LMLN: variants seen among roughly 807,000 people sequenced by gnomAD.
LMLN encodes leishmanolysin-like peptidase.
LMLN carries 70 observed loss-of-function variants against 92.3 expected under a neutral mutation model. The observed-to-expected ratio is 0.76, with a 90% CI of 0.63 to 0.92. The LOEUF is 0.92. Among genes scored for constraint, LMLN ranks in the 40% least tolerant of loss-of-function variants. LMLN has a pLI of 0.00. For missense variants in LMLN, 691 were observed against 814.6 expected, an observed-to-expected ratio of 0.85 and a Z score of 1.85; for synonymous variants, 308 against 296.2, an observed-to-expected ratio of 1.04 and a Z score of -0.41.
At chr3:198,018,592 G>A (rs1010740756) in intron 11 of LMLN, among the ~76,000 whole-genome samples, 1 of 152,148 alleles carries the variant, frequency 6.6e-6, no homozygotes, top group Non-Finnish European at 1.5e-5. Context: ...GAGACACCAT[G>A]TTCATTTAAA....
chr3:197,977,372 C>T (rs1028342934), intron 5 of LMLN, among the ~76,000 whole-genome samples: 1 of 152,100 alleles, frequency 6.6e-6, no homozygotes, highest in Non-Finnish European at 1.5e-5. Context: ...GAAGTACACA[C>T]GTTAAATCTG....
At chr3:197,967,640 AAAC>A (rs1486828000) in intron 1 of LMLN, among the ~76,000 whole-genome samples, 63 of 152,318 alleles carry the variant, frequency 4.1e-4, no homozygotes, top group African/African-American at 1.5e-3. Flanking sequence ...TAAACATCTT[AAAC>A]AACAGAAAAC....
chr3:197,997,315 A>G (rs1451922040), intron 10 of LMLN, among the ~76,000 whole-genome samples: 7 of 150,032 alleles, frequency 4.7e-5, no homozygotes, highest in Admixed American at 3.3e-4. Flanking sequence ...TTGTTCTTTC[A>G]GTAGAGATGG....
At chr3:197,971,342 G>T (rs1379918537) in intron 1 of LMLN, among the ~76,000 whole-genome samples, 1 of 152,170 alleles carries the variant, frequency 6.6e-6, no homozygotes, top group Non-Finnish European at 1.5e-5. Flanking sequence ...CAGGGGAAAT[G>T]CCAGAGGCTT....
At chr3:198,022,314 C>A (rs768030678) in intron 13 of LMLN, among the ~76,000 whole-genome samples, 24 of 152,166 alleles carry the variant, frequency 1.6e-4, no homozygotes, top group Non-Finnish European at 3.2e-4. Context: ...ATAATAGTTA[C>A]AGCTCATACT....
chr3:198,019,147 G>T lies in LMLN; in HGVS notation c.1233-106G>T. ...AGAATCCCATTTGTTAATTATGAAG[G>T]TTTGTATTTTTAGGCCAGGATCTGG... On this transcript the variant is annotated intron_variant, in intron 11 of 15. Transcript: ENST00000330198. The surrounding 1 kb of genome is among the most constrained non-coding windows in gnomAD (Gnocchi z 5.5). 1.8e-6 allele frequency: 2 copies of T among 1,109,316 alleles called. No individual in the cohort carries two copies. Among genetic ancestry groups the T allele is most frequent in the Non-Finnish European group, 2.6e-6 (2 of 780,130 alleles). 68.7% of individuals were successfully genotyped at this position (1,109,316 alleles called of 1,614,324 possible).
chr3:198,035,911 C>A (rs1316450539), exon 15 of LMLN: 16 of 1,613,952 alleles, frequency 9.9e-6, no homozygotes, highest in Non-Finnish European at 1.4e-5. Flanking sequence ...GCAGGTCCTC[C>A]CTGTCAGTAT....
At chr3:198,035,598 T>C (rs1363451628) in intron 14 of LMLN, among the ~76,000 whole-genome samples, 1 of 151,918 alleles carries the variant, frequency 6.6e-6, no homozygotes. Context: ...CTTGACCTCA[T>C]GATCTGCCCG....
chr3:197,964,898 T>C (rs1244150560), intron 1 of LMLN, among the ~76,000 whole-genome samples: 1 of 151,704 alleles, frequency 6.6e-6, no homozygotes, highest in Non-Finnish European at 1.5e-5. Flanking sequence ...TCCCAGCTAC[T>C]CTGGAGGCTG....
At chr3:197,990,809 T>C in intron 9 of LMLN, 133 bp downstream of exon 9, 1 of 545,896 alleles carries the variant, frequency 1.8e-6, no homozygotes, top group Non-Finnish European at 3.3e-6. Flanking sequence ...ATAAAGGGAA[T>C]GCAATGAAGC....
intron 11 of LMLN, among the ~76,000 whole-genome samples, chr3:198,009,675 TATC>T (rs57770628): frequency 0.027 from 4,132 of 152,300 alleles, 186 homozygotes; most frequent in African/African-American, 0.092. Context: ...GGGCTATTCT[TATC>T]ATCTGTTTCA....
chr3:198,024,373 G>A (rs148606103), intron 13 of LMLN, among the ~76,000 whole-genome samples: 3 of 151,722 alleles, frequency 2.0e-5, no homozygotes, highest in East Asian at 1.9e-4. Flanking sequence ...CCGCCACCGC[G>A]CCCGGCTAAT....
intron 11 of LMLN, 184 bp downstream of exon 11, chr3:197,999,526 A>G (rs1411998654): frequency 1.7e-6 from 1 of 588,578 alleles, no homozygotes; most frequent in Non-Finnish European, 3.0e-6. Flanking sequence ...TTCATTCAAT[A>G]AATACTTTTG....
At chr3:197,987,160 T>A (rs898817394) in intron 8 of LMLN, among the ~76,000 whole-genome samples, 10 of 138,346 alleles carry the variant, frequency 7.2e-5, no homozygotes, top group African/African-American at 2.8e-4. Context: ...ATGTTTGAAT[T>A]TTTTTTTTTT....
intron 11 of LMLN, among the ~76,000 whole-genome samples, chr3:198,006,530 T>G (rs1333716539): frequency 2.0e-5 from 3 of 152,232 alleles, no homozygotes; most frequent in Admixed American, 6.5e-5. Flanking sequence ...GTAAGTGATA[T>G]AGTTTCTCCA....
intron 1 of LMLN, among the ~76,000 whole-genome samples, chr3:197,960,642 C>A (rs1720838399): frequency 6.6e-6 from 1 of 152,176 alleles, no homozygotes; most frequent in Non-Finnish European, 1.5e-5. Context: ...AGTATCACTT[C>A]TGTGCGGAGG....
intron 11 of LMLN, among the ~76,000 whole-genome samples, chr3:198,013,778 C>G (rs1390132863): frequency 4.3e-5 from 6 of 139,588 alleles, no homozygotes; most frequent in Non-Finnish European, 9.2e-5. Flanking sequence ...AGCCCCCTAA[C>G]TAGTCTGACT....
intron 1 of LMLN, among the ~76,000 whole-genome samples, chr3:197,962,144 C>T (rs1720921071): frequency 6.6e-6 from 1 of 152,078 alleles, no homozygotes; most frequent in Non-Finnish European, 1.5e-5. Flanking sequence ...GTCTCCTGCC[C>T]ACCCCAGGCA....
Position 197,982,223 on chromosome 3 carries a change from C to CTT in LMLN, c.729-1701_729-1700dup, listed in dbSNP as rs1241377836. Among the ~76,000 whole-genome samples the CTT allele has an allele frequency of 2.1e-3, 249 of 116,532 alleles. 8 individuals carry two copies. The highest frequency in any genetic ancestry group is 5.6e-3 in the African/African-American group (160 of 28,354). 76.4% of individuals were successfully genotyped at this position (116,532 alleles called of 152,430 possible). On this transcript the variant is annotated intron_variant, in intron 6 of 15. Coordinates refer to ENST00000330198, the Ensembl canonical transcript of LMLN. ...TGTTAAAAGAAAAAGCAGTTACCTTCTTTTTTTTTTTTTTTTTTTTGAGAC... is the reference window on the plus strand; with the variant it reads ...TGTTAAAAGAAAAAGCAGTTACCTTCTTTTTTTTTTTTTTTTTTTTTTGAGAC...
Sources: gnomAD v4.1 joint callset for allele counts (sites outside exome capture counted in the v4.1 genomes callset) on GRCh38, gnomAD v4.1.1 for gene constraint, Gnocchi (gnomAD v3.1) non-coding constraint, MANE v1.5 for transcripts, NCBI Gene and HGNC (gene_info 2026-07-23, HGNC 2026-07-21) for gene names.